LDLRAD4: variants seen among roughly 807,000 people sequenced by gnomAD.
LDLRAD4 encodes low-density lipoprotein receptor class A domain-containing protein 4.
In LDLRAD4, 5 loss-of-function variants were observed where a neutral mutation model predicts 17.0. The ratio of observed to expected loss-of-function variants is 0.29; its 90% CI spans 0.15 to 0.62. The LOEUF is 0.62. LDLRAD4 is among the 20% of genes least tolerant of loss of function. LDLRAD4 has a pLI of 0.84. For synonymous variants in LDLRAD4, 168 were observed against 171.8 expected, an observed-to-expected ratio of 0.98 and a Z score of 0.17; for missense variants, 340 against 424.7, an observed-to-expected ratio of 0.80 and a Z score of 1.75.
At chr18:13,363,192 C>T (rs762195634) in intron 1 of LDLRAD4, among the ~76,000 whole-genome samples, 3 of 151,948 alleles carry the variant, frequency 2.0e-5, no homozygotes, top group African/African-American at 4.8e-5. Context: ...ATTAGCCAGG[C>T]GTGGTGGTGG....
intron 2 of LDLRAD4, among the ~76,000 whole-genome samples, chr18:13,411,349 T>G (rs1173926688): frequency 6.6e-6 from 1 of 152,052 alleles, no homozygotes. Context: ...TTGCCGTAAG[T>G]GCTTAACAAA....
intron 3 of LDLRAD4, among the ~76,000 whole-genome samples, chr18:13,511,912 T>G (rs2093786887): frequency 6.6e-6 from 1 of 152,234 alleles, no homozygotes; most frequent in Non-Finnish European, 1.5e-5. Flanking sequence ...AAATGTATTT[T>G]TAGCGTCACT....
chr18:13,262,669 C>T (rs1230974644), intron 1 of LDLRAD4, among the ~76,000 whole-genome samples: 1 of 55,356 alleles, frequency 1.8e-5, no homozygotes, highest in Admixed American at 1.8e-4. Flanking sequence ...CCCGTGCGGC[C>T]CTGTGCGTGG....
intron 2 of LDLRAD4, among the ~76,000 whole-genome samples, chr18:13,436,094 G>T (rs1381687207): frequency 2.0e-5 from 3 of 152,350 alleles, no homozygotes; most frequent in East Asian, 3.9e-4. Context: ...GCCTGTCACA[G>T]GCTGGGCGGC....
chr18:13,238,144 A>C (rs558413298), intron 1 of LDLRAD4, among the ~76,000 whole-genome samples: 1 of 152,320 alleles, frequency 6.6e-6, no homozygotes, highest in South Asian at 2.1e-4. Flanking sequence ...AGGTGCCAGA[A>C]TATCTGCCTT....
chr18:13,609,530 C>T (rs200077251), intron 3 of LDLRAD4, among the ~76,000 whole-genome samples: 3,251 of 149,568 alleles, frequency 0.022, 75 homozygotes, highest in African/African-American at 0.052. Context: ...TGTGTGTGTG[C>T]GTGTGTGTGT....
At chr18:13,594,191 A>C (rs1275181712) in intron 3 of LDLRAD4, among the ~76,000 whole-genome samples, 4 of 152,112 alleles carry the variant, frequency 2.6e-5, no homozygotes, top group African/African-American at 9.7e-5. Context: ...GAGGTAGAGC[A>C]GGTGTGTGCC....
intron 3 of LDLRAD4, chr18:13,490,814 C>T (rs2093343318): frequency 6.6e-6 from 1 of 152,152 alleles, no homozygotes; most frequent in African/African-American, 2.4e-5. Context: ...CCAGGCTTGT[C>T]AGGGAGATGG....
intron 1 of LDLRAD4, among the ~76,000 whole-genome samples, chr18:13,298,522 GGGAGCTGCTCTGGGCATGGTGAT>G (rs2046401967): frequency 8.0e-6 from 1 of 124,660 alleles, no homozygotes; most frequent in Admixed American, 8.3e-5. Flanking sequence ...GCACGGTGAT[GGGAGCTGCTCTGGGCATGGTGAT>G]GGAGCTGCTC....
At chr18:13,348,348 G>C (rs578067009) in intron 1 of LDLRAD4, among the ~76,000 whole-genome samples, 77 of 152,310 alleles carry the variant, frequency 5.1e-4, no homozygotes, top group Middle Eastern at 6.8e-3. Context: ...TCCAGACTCT[G>C]TTTGTCTGGG....
At chr18:13,478,006 G>A (rs1414471107) in intron 3 of LDLRAD4, among the ~76,000 whole-genome samples, 2 of 152,162 alleles carry the variant, frequency 1.3e-5, no homozygotes, top group Admixed American at 6.5e-5. Context: ...TGACTCCTTC[G>A]TCCCCCTCCT....
At chr18:13,328,558 T>C (rs6505806) in intron 1 of LDLRAD4, among the ~76,000 whole-genome samples, 148,319 of 152,332 alleles carry the variant, frequency 0.97, 72,329 homozygotes, top group East Asian at 1. Context: ...ATGCATGAAC[T>C]TCATCATTCT....
At chr18:13,601,015 C>A (rs1223718361) in intron 3 of LDLRAD4, among the ~76,000 whole-genome samples, 3 of 152,170 alleles carry the variant, frequency 2.0e-5, no homozygotes, top group African/African-American at 7.2e-5. Flanking sequence ...AAGGCACTAT[C>A]AGGCCTTTAG....
chr18:13,437,433 ATTC>A (rs1438438939), intron 2 of LDLRAD4, among the ~76,000 whole-genome samples: 2 of 152,210 alleles, frequency 1.3e-5, no homozygotes, highest in Non-Finnish European at 2.9e-5. Flanking sequence ...AACTTCCTTT[ATTC>A]TTCATTGCTT....
At chr18:13,396,168 T>A (rs1235634172) in intron 2 of LDLRAD4, among the ~76,000 whole-genome samples, 1 of 152,222 alleles carries the variant, frequency 6.6e-6, no homozygotes, top group Non-Finnish European at 1.5e-5. Flanking sequence ...TTCCTCTCAA[T>A]TTATGTTGGC....
At chr18:13,499,777 C>A (rs908226637) in intron 3 of LDLRAD4, among the ~76,000 whole-genome samples, 3 of 152,224 alleles carry the variant, frequency 2.0e-5, no homozygotes, top group Non-Finnish European at 4.4e-5. Flanking sequence ...ACTGGAGAAT[C>A]CATCTCCACA....
Position 13,367,011 on chromosome 18 carries a change from G to C in LDLRAD4, c.-382-20330G>C, listed in dbSNP as rs752159253. Among the ~76,000 whole-genome samples, 4 of 152,204 alleles carry C rather than the reference G, an allele frequency of 2.6e-5. No homozygotes were observed. Among genetic ancestry groups the C allele is most frequent in the Non-Finnish European group, 4.4e-5 (3 of 68,042 alleles). ...GTGACTTCTGGACAGGCAGTGCTTT[G>C]AATGAAATCACATCCACCAAATGGG... On this transcript the variant is annotated intron_variant, in intron 1 of 5. Transcript: ENST00000359446. The surrounding 1 kb of genome is among the most constrained non-coding windows in gnomAD (Gnocchi z 4.1).
intron 2 of LDLRAD4, among the ~76,000 whole-genome samples, chr18:13,435,454 T>G (rs1402771098): frequency 6.6e-6 from 1 of 152,188 alleles, no homozygotes; most frequent in Non-Finnish European, 1.5e-5. Flanking sequence ...TTTTTAATTT[T>G]TAATTTTTTA....
chr18:13,463,251 T>C (rs1568196147), intron 3 of LDLRAD4, among the ~76,000 whole-genome samples: 1 of 152,300 alleles, frequency 6.6e-6, no homozygotes, highest in East Asian at 1.9e-4. Flanking sequence ...CCAGGCTCCC[T>C]CCCTGTCCCC....
Sources: gnomAD v4.1 joint callset for allele counts (sites outside exome capture counted in the v4.1 genomes callset) on GRCh38, gnomAD v4.1.1 for gene constraint, Gnocchi (gnomAD v3.1) non-coding constraint, MANE v1.5 for transcripts, NCBI Gene and HGNC (gene_info 2026-07-23, HGNC 2026-07-21) for gene names.